KCNK13: variants seen among roughly 807,000 people sequenced by gnomAD.
The protein encoded by KCNK13 is potassium two pore domain channel subfamily K member 13, also known as potassium channel subfamily K member 13.
KCNK13 carries 12 observed loss-of-function variants against 23.4 expected under a neutral mutation model. The observed-to-expected ratio is 0.51, with a 90% CI of 0.33 to 0.83. The LOEUF is 0.83. KCNK13 is among the 40% of genes least tolerant of loss of function. The pLI, the probability that KCNK13 is intolerant of heterozygous loss-of-function variation, is 0.02. For missense variants in KCNK13, 463 were observed against 556.3 expected (o/e 0.83, Z 1.69); for synonymous variants, 231 against 229.5 (o/e 1.01, Z -0.06).
intron 1 of KCNK13, among the ~76,000 whole-genome samples, chr14:90,130,670 C>T (rs1889857667): frequency 6.6e-5 from 10 of 151,856 alleles, no homozygotes; most frequent in Admixed American, 6.6e-4. Context: ...AAAAATCAGC[C>T]AGGTGTGGTG....
chr14:90,144,927 C>T (rs893975109), intron 1 of KCNK13, among the ~76,000 whole-genome samples: 3 of 152,150 alleles, frequency 2.0e-5, no homozygotes, highest in South Asian at 2.1e-4. Flanking sequence ...TTAATATTAG[C>T]GGTAGGGTTT....
rs879803762 is a variant in KCNK13 at position 90,062,784 on chromosome 14, C to A, written c.334+245C>A. Among the ~76,000 whole-genome samples the A allele has an allele frequency of 6.6e-5, 10 of 152,184 alleles. No individual in the cohort carries two copies. Among genetic ancestry groups the A allele is most frequent in the Admixed American group, 6.5e-4 (10 of 15,282 alleles). ...ATGCAGTCTCAGTCCCCTCTGCAGA[C>A]CTGCCGAGTCAGAATCTGCATGTTA... On this transcript the variant is annotated intron_variant, in intron 1 of 1. Coordinates refer to ENST00000282146, the MANE Select transcript of KCNK13 (RefSeq NM_022054.4). The surrounding 1 kb of genome is among the most constrained non-coding windows in gnomAD (Gnocchi z 4.5).
Position 90,126,628 on chromosome 14 carries a change from C to T in KCNK13, c.335-57483C>T, listed in dbSNP as rs181893670. 4.7e-3 allele frequency among the ~76,000 whole-genome samples: 717 copies of T among 152,216 alleles called. 4 individuals are homozygous for T. The highest frequency in any genetic ancestry group is 8.6e-3 in the Non-Finnish European group (585 of 68,026). ...GTGCAATCTCGGTTCACTGCAACCT[C>T]CGCCTCCTGGGTTCAAGCGATTCTC... is the stretch of plus-strand genomic sequence containing the variant. On this transcript the variant is annotated intron_variant, in intron 1 of 1. Transcript: ENST00000282146.
At chr14:90,155,525 G>T (rs1890183714) in intron 1 of KCNK13, among the ~76,000 whole-genome samples, 1 of 152,172 alleles carries the variant, frequency 6.6e-6, no homozygotes, top group South Asian at 2.1e-4. Context: ...GCTGCAGAGG[G>T]ACCATTCAGG....
chr14:90,156,410 A>C (rs1009771156), intron 1 of KCNK13, among the ~76,000 whole-genome samples: 4 of 152,166 alleles, frequency 2.6e-5, no homozygotes, highest in African/African-American at 9.7e-5. Context: ...TTAGGAAGAA[A>C]ACCAGAGGAG....
intron 1 of KCNK13, among the ~76,000 whole-genome samples, chr14:90,143,224 T>C (rs1890035564): frequency 6.7e-6 from 1 of 149,350 alleles, no homozygotes; most frequent in Non-Finnish European, 1.5e-5. Flanking sequence ...TTTTTTTTTT[T>C]TGAGACAGGG....
At chr14:90,121,731 A>AT (rs891426400) in intron 1 of KCNK13, among the ~76,000 whole-genome samples, 6 of 151,630 alleles carry the variant, frequency 4.0e-5, no homozygotes, top group South Asian at 2.1e-4. Context: ...ATTTTATTTT[A>AT]TTTTTTTTGA....
chr14:90,109,827 A>G (rs1566953187), intron 1 of KCNK13, among the ~76,000 whole-genome samples: 1 of 151,536 alleles, frequency 6.6e-6, no homozygotes, highest in African/African-American at 2.4e-5. Context: ...TCCCACTTCA[A>G]CCTTCCGAGC....
At chr14:90,110,136 C>T (rs1161122110) in intron 1 of KCNK13, among the ~76,000 whole-genome samples, 2 of 152,168 alleles carry the variant, frequency 1.3e-5, no homozygotes. Flanking sequence ...CAGCGTTGCC[C>T]CTGTTGAGAA....
At chr14:90,107,968 G>A (rs1889567033) in intron 1 of KCNK13, 2 of 726,664 alleles carry the variant, frequency 2.8e-6, no homozygotes, top group African/African-American at 3.5e-5. Flanking sequence ...TGCTGACGCG[G>A]CTAAAGCAGA....
At chr14:90,146,194 G>A (rs567946126) in intron 1 of KCNK13, among the ~76,000 whole-genome samples, 1 of 152,180 alleles carries the variant, frequency 6.6e-6, no homozygotes, top group South Asian at 2.1e-4. Context: ...GGATGATTTT[G>A]TCTCTTTATC....
intron 1 of KCNK13, among the ~76,000 whole-genome samples, chr14:90,133,552 A>G (rs550103876): frequency 1.4e-4 from 21 of 151,926 alleles, no homozygotes; most frequent in Non-Finnish European, 2.9e-4. Flanking sequence ...TTATATCTCA[A>G]TAAAGCTGGG....
At chr14:90,136,992 G>T (rs557282833) in intron 1 of KCNK13, among the ~76,000 whole-genome samples, 2 of 152,150 alleles carry the variant, frequency 1.3e-5, no homozygotes, top group East Asian at 3.9e-4. Flanking sequence ...TCACTCAATC[G>T]CAAAACAGGC....
intron 1 of KCNK13, among the ~76,000 whole-genome samples, chr14:90,130,447 G>A (rs767725382): frequency 1.6e-4 from 24 of 151,716 alleles, no homozygotes; most frequent in African/African-American, 4.1e-4. Flanking sequence ...TAATCTGCCC[G>A]CCTCGGCCTC....
chr14:90,154,987 C>T (rs772718959), intron 1 of KCNK13, among the ~76,000 whole-genome samples: 6 of 152,038 alleles, frequency 3.9e-5, no homozygotes, highest in South Asian at 4.1e-4. Context: ...CAGCAGTGAA[C>T]AAGACAGACA....
In KCNK13 at chr14:90,185,062, G is replaced by A. The variant is rs1348819591; in HGVS notation, c.*59G>A. 5 of 1,420,782 alleles carry A rather than the reference G, an allele frequency of 3.5e-6. No homozygotes were observed. In the Admixed American group the frequency reaches 1.2e-4, roughly 35 times the overall value. The allele number at this position is 1,420,782 out of a possible 1,614,324, so 88.0% of individuals were successfully genotyped here. A position where few individuals can be genotyped will look rare whatever the true frequency, so the allele number is the denominator to read the frequency against. On this transcript the variant is annotated 3_prime_UTR_variant, in exon 2 of 2. Coordinates refer to ENST00000282146, the MANE Select transcript of KCNK13 (RefSeq NM_022054.4). ...TAGAATGGAGGATGATTGCCGCCCA[G>A]GGGACGAGCTCAGCCCTGCGCCTTG... is the stretch of plus-strand genomic sequence containing the variant.
At chr14:90,160,645 C>T (rs1399642965) in intron 1 of KCNK13, among the ~76,000 whole-genome samples, 1 of 151,932 alleles carries the variant, frequency 6.6e-6, no homozygotes, top group East Asian at 1.9e-4. Flanking sequence ...GAGTTCAAGA[C>T]CAGCCTGGTC....
intron 1 of KCNK13, among the ~76,000 whole-genome samples, chr14:90,121,751 GCT>G (rs1889741563): frequency 3.9e-5 from 6 of 151,912 alleles, no homozygotes; most frequent in Admixed American, 3.9e-4. Flanking sequence ...AGACAGTCTC[GCT>G]CTGTCGCCAA....
At chr14:90,134,589 A>G (rs1889913296) in intron 1 of KCNK13, among the ~76,000 whole-genome samples, 1 of 152,208 alleles carries the variant, frequency 6.6e-6, no homozygotes, top group South Asian at 2.1e-4. Flanking sequence ...TGTTCACAAT[A>G]ATAGCAGCTC....
Sources: gnomAD v4.1 joint callset for allele counts (sites outside exome capture counted in the v4.1 genomes callset) on GRCh38, gnomAD v4.1.1 for gene constraint, Gnocchi (gnomAD v3.1) non-coding constraint, MANE v1.5 for transcripts, NCBI Gene and HGNC (gene_info 2026-07-23, HGNC 2026-07-21) for gene names.